FGD6: variants seen among roughly 807,000 people sequenced by gnomAD.
FGD6 encodes the protein FYVE, RhoGEF and PH domain-containing protein 6.
FGD6 carries 90 observed loss-of-function variants against 149.4 expected under a neutral mutation model. That is an observed-to-expected ratio of 0.60 (90% confidence interval 0.51 to 0.72). The LOEUF is 0.72. FGD6 is among the 30% of genes least tolerant of loss of function. The pLI, the probability that FGD6 is intolerant of heterozygous loss-of-function variation, is 0.00. For missense variants in FGD6, 1,437 were observed against 1,684.8 expected (o/e 0.85, Z 2.57); for synonymous variants, 527 against 584.0 (o/e 0.90, Z 1.41).
intron 18 of FGD6, among the ~76,000 whole-genome samples, chr12:95,086,878 C>T (rs1239290664): frequency 1.8e-4 from 15 of 81,702 alleles, no homozygotes; most frequent in Middle Eastern, 0.011. Flanking sequence ...AAGACAGTCT[C>T]ACTCTGTCAC....
chr12:95,213,638 A>AT (rs1225424803), intron 1 of FGD6, among the ~76,000 whole-genome samples: 2 of 152,168 alleles, frequency 1.3e-5, no homozygotes, highest in African/African-American at 4.8e-5. Flanking sequence ...GGTCATTTAA[A>AT]TATCATTTTT....
At chr12:95,158,916 A>G (rs552400713) in intron 3 of FGD6, among the ~76,000 whole-genome samples, 2 of 152,192 alleles carry the variant, frequency 1.3e-5, no homozygotes, top group Admixed American at 6.5e-5. Flanking sequence ...CAAATGCATT[A>G]TAAGTGAGAA....
intron 3 of FGD6, among the ~76,000 whole-genome samples, chr12:95,162,208 A>AG (rs1339843708): frequency 6.6e-6 from 1 of 151,874 alleles, no homozygotes; most frequent in African/African-American, 2.4e-5. Flanking sequence ...TCAAGGCTGC[A>AG]GGGGACTATG....
intron 2 of FGD6, among the ~76,000 whole-genome samples, chr12:95,200,762 CA>C (rs2136298912): frequency 1.3e-5 from 2 of 152,296 alleles, no homozygotes; most frequent in South Asian, 4.1e-4. Context: ...AAACTACTTA[CA>C]AATACAGTTT....
At chr12:95,086,276 C>G (rs1358562372) in intron 18 of FGD6, among the ~76,000 whole-genome samples, 1 of 151,910 alleles carries the variant, frequency 6.6e-6, no homozygotes, top group African/African-American at 2.4e-5. Flanking sequence ...TTTTTTATTG[C>G]TCTTATTTTG....
At chr12:95,143,755 A>G (rs1223962513) in intron 5 of FGD6, among the ~76,000 whole-genome samples, 1 of 152,232 alleles carries the variant, frequency 6.6e-6, no homozygotes, top group Non-Finnish European at 1.5e-5. Context: ...GGGCTATAGA[A>G]TACATTTACA....
intron 2 of FGD6, among the ~76,000 whole-genome samples, chr12:95,177,135 CT>C (rs1290755295): frequency 6.6e-6 from 1 of 152,106 alleles, no homozygotes; most frequent in Non-Finnish European, 1.5e-5. Flanking sequence ...GTGGAATTAT[CT>C]TTTTTAAAAA....
intron 2 of FGD6, among the ~76,000 whole-genome samples, chr12:95,198,804 G>T (rs976956734): frequency 6.6e-6 from 1 of 152,162 alleles, no homozygotes; most frequent in African/African-American, 2.4e-5. Context: ...CCTCTTGTCT[G>T]GTTCATAGAC....
At chr12:95,216,838 C>G (rs1015687087) in intron 1 of FGD6, among the ~76,000 whole-genome samples, 1 of 152,220 alleles carries the variant, frequency 6.6e-6, no homozygotes, top group African/African-American at 2.4e-5. Flanking sequence ...AAATTGAACA[C>G]GCTGAGAACA....
At chr12:95,100,707 T>C in intron 14 of FGD6, 1 of 535,778 alleles carries the variant, frequency 1.9e-6, no homozygotes, top group Non-Finnish European at 3.8e-6. Context: ...TGAAGTTGAC[T>C]GCCCTTGCAA....
At chr12:95,138,502 C>A (rs1879746536) in intron 6 of FGD6, among the ~76,000 whole-genome samples, 1 of 150,778 alleles carries the variant, frequency 6.6e-6, no homozygotes, top group African/African-American at 2.4e-5. Context: ...CGAGATTGTG[C>A]CCACTGCACT....
chr12:95,156,453 C>T (rs780609506), intron 3 of FGD6, among the ~76,000 whole-genome samples: 5 of 152,098 alleles, frequency 3.3e-5, no homozygotes, highest in South Asian at 2.1e-4. Context: ...AGGAAATTCC[C>T]GCCTAAAAAA....
intron 8 of FGD6, chr12:95,126,160 C>A: frequency 9.6e-7 from 1 of 1,044,864 alleles, no homozygotes; most frequent in South Asian, 1.3e-5. Context: ...CAAAAGGAAG[C>A]TCTCCTGAAA....
chr12:95,086,476 G>A (rs141556454), intron 18 of FGD6, among the ~76,000 whole-genome samples: 1 of 148,472 alleles, frequency 6.7e-6, no homozygotes, highest in East Asian at 2.0e-4. Flanking sequence ...ATAAAAAGTT[G>A]AAAATGTTTT....
rs753914188 is a variant in FGD6, at chr12:95,104,980, A to C, written c.3497+27T>G. 1.1e-4 allele frequency: 165 copies of C among 1,567,314 alleles called. 2 individuals are homozygous for C. In the East Asian group the frequency reaches 3.7e-3, roughly 35 times the overall value. On this transcript the variant is annotated intron_variant, in intron 14 of 20. Coordinates refer to ENST00000343958, the MANE Select transcript of FGD6 (RefSeq NM_018351.4). ...AGCAGACTCAGAATGAGAAAAAAAA[A>C]AAAAAAAAGAAGAAGAAAAAATTTA...
rs150145884 is a variant in FGD6, at chr12:95,079,595, T to G, written c.*1925A>C. 2.6e-4 allele frequency: 40 copies of G among 152,040 alleles called. 4 individuals are homozygous for G. Among genetic ancestry groups the G allele is most frequent in the East Asian group, 1.5e-3 (8 of 5,194 alleles). The allele number at this position is 152,040 out of a possible 1,614,324, so 9.4% of individuals were successfully genotyped here. ...AGGAATACACTAAAAACTGCAACGATTCTAACATGGAAGCCTTATTTATGT... is the reference window on the plus strand; with the variant it reads ...AGGAATACACTAAAAACTGCAACGAGTCTAACATGGAAGCCTTATTTATGT... On this transcript the variant is annotated 3_prime_UTR_variant, in exon 21 of 21. Coordinates refer to ENST00000343958, the MANE Select transcript of FGD6 (RefSeq NM_018351.4).
In FGD6 at chr12:95,113,683, A is replaced by G. The variant is rs372707420; in HGVS notation, c.3101T>C (p.Ile1034Thr). ...GTCTCTGTAATCTCCAGCATCTTCT[A>G]TGAGATTCTTCAAATAATCTAGAAA... ...LLLTDYLKNL[I>T]EDAGDYRDTQ... Residue 1034 changes from isoleucine (I) to threonine (T), a missense_variant, in exon 9 of 21, where the codon ATA (isoleucine) becomes ACA (threonine). Ile to Thr is a moderately conservative substitution (Grantham distance 89). Around this residue, in one of 2 missense-constraint regions of FGD6, gnomAD observed 382 missense variants for 538.7 expected, o/e 0.71. Coordinates refer to ENST00000343958, the MANE Select transcript of FGD6 (RefSeq NM_018351.4). 2.1e-5 allele frequency: 33 copies of G among 1,595,166 alleles called. No individual in the cohort carries two copies. In the African/African-American group the frequency reaches 4.1e-4, roughly 20 times the overall value.
chr12:95,186,225 C>CT lies in FGD6; in HGVS notation c.2442-13482dup, dbSNP rs1881428152. ...AGCTAAGAATGCTTCTTATATTCTT[C>CT]TTCTTTTTTTTTTTTTTTTTTTTTT... On this transcript the variant is annotated intron_variant, in intron 2 of 20. Transcript: ENST00000343958. 2.2e-4 allele frequency among the ~76,000 whole-genome samples: 16 copies of CT among 71,200 alleles called. 7 individuals carry two copies. The highest frequency in any genetic ancestry group is 2.7e-4 in the Non-Finnish European group (10 of 37,434). The allele number at this position is 71,200 out of a possible 152,430, so 46.7% of individuals were successfully genotyped here. A position where few individuals can be genotyped will look rare whatever the true frequency, so the allele number is the denominator to read the frequency against.
chr12:95,091,343 TAAGTA>T (rs901564473), intron 17 of FGD6, among the ~76,000 whole-genome samples: 17 of 152,346 alleles, frequency 1.1e-4, no homozygotes, highest in African/African-American at 3.8e-4. Flanking sequence ...AAGTGCCACC[TAAGTA>T]AAGAGAATTA....
Sources: allele counts gnomAD v4.1 joint callset (sites outside exome capture counted in the v4.1 genomes callset), GRCh38; gene constraint gnomAD v4.1.1; regional missense constraint gnomAD v4.1.1; transcripts MANE v1.5; gene names NCBI Gene and HGNC (gene_info 2026-07-23, HGNC 2026-07-21).